The following ZNG1A variants were observed in gnomAD, a reference collection of about 807,000 sequenced individuals.
The protein encoded by ZNG1A is zinc-regulated GTPase metalloprotein activator 1A.
the ZNG1A span, chr9:153,311 CT>C: frequency 1.3e-5 from 2 of 149,062 alleles, no homozygotes; most frequent in Non-Finnish European, 3.0e-5. Flanking sequence ...TCACTTTCTC[CT>C]TTTCAAAATC....
At chr9:150,187 T>C in the ZNG1A span, 1 of 104,504 alleles carries the variant, frequency 9.6e-6, no homozygotes, top group African/African-American at 3.8e-5. Context: ...AGTGCAGTGG[T>C]GCGATCTCAG....
the ZNG1A span, among the ~76,000 whole-genome samples, chr9:138,573 T>C: frequency 6.8e-6 from 1 of 147,602 alleles, no homozygotes; most frequent in Non-Finnish European, 1.5e-5. Flanking sequence ...GTAGAATCAG[T>C]TTTTAAGGGC....
the ZNG1A span, chr9:122,629 T>A: frequency 9.9e-7 from 1 of 1,006,910 alleles, no homozygotes; most frequent in Non-Finnish European, 1.2e-6. Flanking sequence ...TCTGATAAAC[T>A]GGCTCCTATG....
the ZNG1A span, among the ~76,000 whole-genome samples, chr9:162,681 T>A: frequency 6.7e-6 from 1 of 150,328 alleles, no homozygotes; most frequent in African/African-American, 2.5e-5. Flanking sequence ...CTAGCACTAT[T>A]TTAAGGCACT....
chr9:144,675 C>G, the ZNG1A span, among the ~76,000 whole-genome samples: 1 of 151,974 alleles, frequency 6.6e-6, no homozygotes, highest in African/African-American at 2.4e-5. Context: ...GCAATGGCAA[C>G]AAAAGCCAAA....
At chr9:172,251 T>C in the ZNG1A span, 1 of 1,569,492 alleles carries the variant, frequency 6.4e-7, no homozygotes, top group Admixed American at 1.7e-5. Flanking sequence ...TTAAAATATA[T>C]TCAACAACCC....
At chr9:176,615 C>T in the ZNG1A span, among the ~76,000 whole-genome samples, 1 of 151,942 alleles carries the variant, frequency 6.6e-6, no homozygotes, top group African/African-American at 2.4e-5. Context: ...CAGATGAAGG[C>T]TTATATTTAG....
At chr9:142,191 C>A in the ZNG1A span, among the ~76,000 whole-genome samples, 1 of 147,854 alleles carries the variant, frequency 6.8e-6, no homozygotes, top group Non-Finnish European at 1.5e-5. Context: ...ACCAAGCAGA[C>A]CTAATAGACA....
the ZNG1A span, chr9:163,919 C>T: frequency 1.5e-5 from 22 of 1,463,924 alleles, no homozygotes; most frequent in Non-Finnish European, 1.7e-5. Flanking sequence ...AAGTGAGACT[C>T]TGTCTCAGAA....
chr9:171,391 G>T, the ZNG1A span, among the ~76,000 whole-genome samples: 1 of 152,018 alleles, frequency 6.6e-6, no homozygotes, highest in South Asian at 2.1e-4. Flanking sequence ...TAACTTTTAT[G>T]CAAAATGAAA....
At chr9:176,943 T>C in the ZNG1A span, among the ~76,000 whole-genome samples, 1 of 152,126 alleles carries the variant, frequency 6.6e-6, no homozygotes, top group African/African-American at 2.4e-5. Context: ...AGATAGTCTC[T>C]GCCTTCATAG....
chr9:168,997 C>T, the ZNG1A span, among the ~76,000 whole-genome samples: 1 of 152,092 alleles, frequency 6.6e-6, no homozygotes, highest in Admixed American at 6.5e-5. Context: ...CTGCAGCCCA[C>T]TGATCAAGGA....
At chr9:177,901 G>A in the ZNG1A span, 49 of 1,516,944 alleles carry the variant, frequency 3.2e-5, 3 homozygotes, top group South Asian at 5.7e-4. Flanking sequence ...AGTCTACAAA[G>A]TTTTTAAAAA....
At chr9:156,460 A>G in the ZNG1A span, 1 of 1,584,852 alleles carries the variant, frequency 6.3e-7, no homozygotes, top group Non-Finnish European at 8.5e-7. Flanking sequence ...AGCAATCAAT[A>G]TATACTTTAA....
the ZNG1A span, among the ~76,000 whole-genome samples, chr9:157,424 G>A: frequency 7.9e-6 from 1 of 127,204 alleles, no homozygotes; most frequent in South Asian, 2.8e-4. Flanking sequence ...ATAAAAAGCT[G>A]GCTACTGAGG....
At chr9:161,760 C>T in the ZNG1A span, 2 of 518,980 alleles carry the variant, frequency 3.9e-6, no homozygotes, top group Non-Finnish European at 6.9e-6. Context: ...ATTCTAGGAC[C>T]TTAGAAGTTA....
the ZNG1A span, among the ~76,000 whole-genome samples, chr9:139,483 T>C: frequency 6.6e-6 from 1 of 151,076 alleles, no homozygotes; most frequent in Non-Finnish European, 1.5e-5. Flanking sequence ...ATTGTACACT[T>C]AAAAAATTGT....
At chr9:137,527 T>A in the ZNG1A span, among the ~76,000 whole-genome samples, 2 of 152,260 alleles carry the variant, frequency 1.3e-5, no homozygotes, top group South Asian at 4.2e-4. Context: ...ATGAAAGGGA[T>A]CATGGCTAAC....
chr9:172,278 T>C, the ZNG1A span: 1 of 1,441,480 alleles, frequency 6.9e-7, no homozygotes, highest in Non-Finnish European at 9.5e-7. Flanking sequence ...AAAGTACCCT[T>C]GGGAATGTGA....
Sources: allele counts gnomAD v4.1 joint callset (sites outside exome capture counted in the v4.1 genomes callset), GRCh38; gene constraint gnomAD v4.1.1; transcripts MANE v1.5; gene names NCBI Gene and HGNC (gene_info 2026-07-23, HGNC 2026-07-21).